The following SRC variants were observed in gnomAD, a reference collection of about 807,000 sequenced individuals.
The protein encoded by SRC is SRC proto-oncogene, non-receptor tyrosine kinase, also known as proto-oncogene tyrosine-protein kinase Src.
Under a neutral mutation model 62.9 loss-of-function variants are expected in SRC, and 13 were observed. The ratio of observed to expected loss-of-function variants is 0.21; its 90% CI spans 0.13 to 0.33. SRC has a LOEUF of 0.33. Ranked by LOEUF, SRC falls within the 10% of genes least tolerant of loss-of-function variation. SRC has a pLI of 1.00. For missense variants in SRC, 457 were observed against 737.3 expected (o/e 0.62, Z 4.40); for synonymous variants, 302 against 317.5 (o/e 0.95, Z 0.52).
chr20:37,397,570 G>A lies in SRC; in HGVS notation c.704-129G>A. On this transcript the variant is annotated intron_variant, in intron 8 of 13. Coordinates refer to ENST00000373578, the MANE Select transcript of SRC (RefSeq NM_198291.3). The surrounding 1 kb of genome is among the most constrained non-coding windows in gnomAD (Gnocchi z 4.1). ...TGTGTGCACACAGATGTAGATGCCT[G>A]GCTTTGAGGGCACCCTGCGTGTCCC... is the stretch of plus-strand genomic sequence containing the variant. 7.7e-7 allele frequency: 1 copy of A among 1,296,014 alleles called. No individual in the cohort carries two copies. The highest frequency in any genetic ancestry group is 1.0e-6 in the Non-Finnish European group (1 of 979,712). The allele number at this position is 1,296,014 out of a possible 1,614,324, so 80.3% of individuals were successfully genotyped here.
chr20:37,364,002 C>G (rs1166777528), intron 1 of SRC, among the ~76,000 whole-genome samples: 1 of 152,046 alleles, frequency 6.6e-6, no homozygotes, highest in African/African-American at 2.4e-5. Context: ...CCGCCTTCCC[C>G]CTCCATCCCC....
At chr20:37,346,534 T>A (rs928166013) in intron 1 of SRC, among the ~76,000 whole-genome samples, 2 of 151,446 alleles carry the variant, frequency 1.3e-5, no homozygotes, top group Non-Finnish European at 2.9e-5. Flanking sequence ...CAGCTCATGC[T>A]CCCCATAGGA....
intron 1 of SRC, among the ~76,000 whole-genome samples, chr20:37,348,176 C>T (rs1318484495): frequency 6.6e-6 from 1 of 152,208 alleles, no homozygotes; most frequent in Non-Finnish European, 1.5e-5. Context: ...AGCTTAGGCC[C>T]CTCTCTTCTA....
At chr20:37,345,798 TG>T, upstream of SRC, among the ~76,000 whole-genome samples, 1 of 118,222 alleles carries the variant, frequency 8.5e-6, no homozygotes, top group Non-Finnish European at 1.7e-5. Flanking sequence ...GAGGCGGATC[TG>T]GGGCGTAGAA....
intron 2 of SRC, among the ~76,000 whole-genome samples, chr20:37,367,132 C>G (rs2070075896): frequency 7.0e-6 from 1 of 143,866 alleles, no homozygotes; most frequent in African/African-American, 2.6e-5. Flanking sequence ...GGGTCTCACT[C>G]TGTTGCCAAG....
chr20:37,352,176 C>G (rs774168082), intron 1 of SRC, among the ~76,000 whole-genome samples: 1 of 152,166 alleles, frequency 6.6e-6, no homozygotes, highest in Non-Finnish European at 1.5e-5. Context: ...ATGGGGATGA[C>G]GAGGCTGGCA....
At chr20:37,361,796 C>A (rs2069975334) in intron 1 of SRC, among the ~76,000 whole-genome samples, 1 of 138,844 alleles carries the variant, frequency 7.2e-6, no homozygotes, top group Non-Finnish European at 1.6e-5. Context: ...CCTCTGTGTG[C>A]AGGTAGAGAT....
intron 2 of SRC, among the ~76,000 whole-genome samples, chr20:37,368,518 C>CTTTTTTTTTTTTTTGTTTTTTT (rs2070102489): frequency 1.4e-5 from 1 of 73,898 alleles, no homozygotes; most frequent in African/African-American, 4.3e-5. Flanking sequence ...CCTATATTTT[C>CTTTTTTTTTTTTTTGTTTTTTT]TTTTTTTTTT....
At chr20:37,395,067 A>C (rs1351077332) in intron 7 of SRC, among the ~76,000 whole-genome samples, 1 of 152,188 alleles carries the variant, frequency 6.6e-6, no homozygotes, top group Admixed American at 6.5e-5. Context: ...GTGTATGGAC[A>C]TGTGGCTGGG....
chr20:37,402,919 C>A lies in SRC; in HGVS notation c.1402+39C>A. ...CATGGCCTGTCTGTGGTCCCTGAAT[C>A]CCTCTGCCCTGGTGGCCTTGGGCAA... On this transcript the variant is annotated intron_variant, in intron 13 of 13. Transcript: ENST00000373578. The surrounding 1 kb of genome is among the most constrained non-coding windows in gnomAD (Gnocchi z 6.2). The A allele has an allele frequency of 6.3e-7, 1 of 1,590,420 alleles. No homozygotes were observed. Among genetic ancestry groups the A allele is most frequent in the Non-Finnish European group, 8.6e-7 (1 of 1,168,820 alleles).
In SRC at chr20:37,395,045, G is replaced by A. The variant is rs529829537; in HGVS notation, c.553+768G>A. Among the ~76,000 whole-genome samples the A allele has an allele frequency of 2.0e-5, 3 of 152,318 alleles. No homozygotes were observed. The East Asian group carries it at 5.8e-4, about 29-fold the overall frequency. On this transcript the variant is annotated intron_variant, in intron 7 of 13. Coordinates refer to ENST00000373578, the MANE Select transcript of SRC (RefSeq NM_198291.3). ...GTGAGCGTGTGGCTACTGGGCATGGGCATGCCTGTGCGTGTATGGACATGT... is the reference window on the plus strand; with the variant it reads ...GTGAGCGTGTGGCTACTGGGCATGGACATGCCTGTGCGTGTATGGACATGT...
intron 1 of SRC, among the ~76,000 whole-genome samples, chr20:37,358,905 G>A (rs1203410342): frequency 1.3e-5 from 2 of 152,270 alleles, no homozygotes; most frequent in African/African-American, 4.8e-5. Context: ...GCATGTTCGC[G>A]CCGCGGACAC....
chr20:37,404,023 C>T lies in SRC; in HGVS notation c.*644C>T, dbSNP rs551169220. ...CCTGAGGGACCCTTCGAGATCATCA[C>T]TTCCTTGCCCCCATTTCACCCATGG... On this transcript the variant is annotated 3_prime_UTR_variant, in exon 14 of 14. Coordinates refer to ENST00000373578, the MANE Select transcript of SRC (RefSeq NM_198291.3). The T allele has an allele frequency of 9.1e-4, 214 of 234,988 alleles. 2 individuals are homozygous for T. Among genetic ancestry groups the T allele is most frequent in the African/African-American group, 4.2e-3 (192 of 45,482 alleles). The allele number at this position is 234,988 out of a possible 1,614,324, so 14.6% of individuals were successfully genotyped here. A position where few individuals can be genotyped will look rare whatever the true frequency, so the allele number is the denominator to read the frequency against.
rs747609421 is a variant in SRC, at chr20:37,402,539, C to T, written c.1221C>T (p.Asp407=). 1.2e-6 allele frequency: 2 copies of T among 1,614,028 alleles called. No individual in the cohort carries two copies. The highest frequency in any genetic ancestry group is 8.5e-7 in the Non-Finnish European group (1 of 1,179,986). The change falls in exon 12 of 14, where the codon GAC becomes GAT. Residue 407 remains aspartate, a synonymous_variant. Transcript: ENST00000373578. The surrounding 1 kb of genome is among the most constrained non-coding windows in gnomAD (Gnocchi z 6.2). ...VGENLVCKVA[D]FGLARLIEDN... is the part of the protein sequence containing the mutation. ...AGAACCTGGTGTGCAAAGTGGCGGA[C>T]TTTGGGCTGGCTCGGCTCATTGAAG...
intron 2 of SRC, among the ~76,000 whole-genome samples, chr20:37,373,071 CACACATATAT>C (rs575537546): frequency 6.6e-6 from 1 of 150,492 alleles, no homozygotes. Flanking sequence ...CACACATATA[CACACATATAT>C]ACATATATAA....
intron 1 of SRC, among the ~76,000 whole-genome samples, chr20:37,359,425 G>T (rs2069932420): frequency 6.6e-6 from 1 of 152,230 alleles, no homozygotes; most frequent in South Asian, 2.1e-4. Context: ...AATCCATAAT[G>T]CAGGGAAGCG....
intron 2 of SRC, among the ~76,000 whole-genome samples, chr20:37,366,681 T>C (rs2070067629): frequency 6.6e-6 from 1 of 152,224 alleles, no homozygotes; most frequent in South Asian, 2.1e-4. Flanking sequence ...TTTTCAAGAT[T>C]CACTCATGTT....
intron 1 of SRC, among the ~76,000 whole-genome samples, chr20:37,357,057 G>A (rs1166317469): frequency 1.3e-5 from 2 of 152,222 alleles, no homozygotes; most frequent in Non-Finnish European, 2.9e-5. Context: ...GCCCCAGCCG[G>A]CTCGGGGACT....
At chr20:37,369,807 CT>C (rs1033672101) in intron 2 of SRC, among the ~76,000 whole-genome samples, 15 of 150,124 alleles carry the variant, frequency 1.0e-4, no homozygotes, top group African/African-American at 3.2e-4. Flanking sequence ...TTTTCTTTTT[CT>C]TTTTTTTTAA....
Sources: gnomAD v4.1 joint callset for allele counts (sites outside exome capture counted in the v4.1 genomes callset) on GRCh38, gnomAD v4.1.1 for gene constraint, Gnocchi (gnomAD v3.1) non-coding constraint, MANE v1.5 for transcripts, NCBI Gene and HGNC (gene_info 2026-07-23, HGNC 2026-07-21) for gene names.